USP34: variants seen among roughly 807,000 people sequenced by gnomAD.
USP34 encodes the protein ubiquitin carboxyl-terminal hydrolase 34.
Under a neutral mutation model 460.3 loss-of-function variants are expected in USP34, and 70 were observed. The ratio of observed to expected loss-of-function variants is 0.15; its 90% CI spans 0.13 to 0.19. The LOEUF (loss-of-function observed/expected upper bound fraction) is 0.19, where lower values mean the gene tolerates loss of function less well. Among genes scored for constraint, USP34 ranks in the 10% least tolerant of loss-of-function variants. USP34 has a pLI of 1.00. For missense variants in USP34, 3,985 were observed against 4,236.2 expected (o/e 0.94, Z 1.65); for synonymous variants, 1,647 against 1,405.3 (o/e 1.17, Z -3.85).
rs1268723259 is a variant in USP34, at chr2:61,264,960, G to C, written c.5778+437C>G. ...AGCAGAGCTTACACAAACAAATTAG[G>C]TCCACAATTTGATTCACTTTGGGAT... On this transcript the variant is annotated intron_variant, in intron 43 of 79. Transcript: ENST00000398571. Among the ~76,000 whole-genome samples, 5 of 152,118 alleles carry C rather than the reference G, an allele frequency of 3.3e-5. No individual in the cohort carries two copies. In the East Asian group the frequency reaches 9.6e-4, roughly 29 times the overall value.
At chr2:61,281,794 G>C (rs563969593) in intron 37 of USP34, among the ~76,000 whole-genome samples, 4 of 152,068 alleles carry the variant, frequency 2.6e-5, no homozygotes, top group African/African-American at 9.7e-5. Flanking sequence ...AAGAATAATT[G>C]AGTAAGGACA....
chr2:61,379,481 T>C (rs765998425), intron 7 of USP34, among the ~76,000 whole-genome samples: 6 of 151,992 alleles, frequency 3.9e-5, no homozygotes, highest in Non-Finnish European at 5.9e-5. Flanking sequence ...GATCATGCCA[T>C]TGCACAACAG....
chr2:61,360,996 A>C (rs1007828106), intron 10 of USP34, among the ~76,000 whole-genome samples: 2 of 152,248 alleles, frequency 1.3e-5, no homozygotes, highest in African/African-American at 4.8e-5. Flanking sequence ...TAGAAAAAAC[A>C]GCCCTAAAAT....
At position 61,218,795 on chromosome 2, in the gene USP34, G is replaced by A. The variant is rs533670931; in HGVS notation, c.8047+1515C>T. Among the ~76,000 whole-genome samples, 10 of 152,238 alleles carry A rather than the reference G, an allele frequency of 6.6e-5. No individual in the cohort carries two copies. In the East Asian group the frequency reaches 1.9e-3, roughly 29 times the overall value. ...TCAGGTTATAGGTTTTTGGAAGGAA[G>A]ACCACAAGAGATGAAGTGCCCTTTG... is the stretch of plus-strand genomic sequence containing the variant. On this transcript the variant is annotated intron_variant, in intron 67 of 79. Coordinates refer to ENST00000398571, the MANE Select transcript of USP34 (RefSeq NM_014709.4).
intron 1 of USP34, among the ~76,000 whole-genome samples, chr2:61,427,242 A>G (rs944349379): frequency 6.6e-6 from 1 of 152,130 alleles, no homozygotes; most frequent in Non-Finnish European, 1.5e-5. Context: ...GTTAGCCAGG[A>G]TAGTCTCGAT....
intron 1 of USP34, among the ~76,000 whole-genome samples, chr2:61,436,956 A>G (rs1174216083): frequency 6.6e-6 from 1 of 152,262 alleles, no homozygotes; most frequent in Non-Finnish European, 1.5e-5. Context: ...GGGTCAATGA[A>G]GGTATTAAGA....
At chr2:61,441,995 G>C (rs926515188) in intron 1 of USP34, among the ~76,000 whole-genome samples, 1 of 152,028 alleles carries the variant, frequency 6.6e-6, no homozygotes, top group African/African-American at 2.4e-5. Context: ...ACTGATTTTT[G>C]ACAAAGGTGC....
chr2:61,189,057 G>C lies in USP34; in HGVS notation c.9886C>G (p.Leu3296Val). 6.2e-7 allele frequency: 1 copy of C among 1,613,290 alleles called. No homozygotes were observed. Among genetic ancestry groups the C allele is most frequent in the South Asian group, 1.1e-5 (1 of 90,756 alleles). ...SASLNGDLRA[L>V]ALLLSVHTPK... ...GTGTGTACTGACAGGAGCAAAGCGAGTGCCCTCAGGTCCTACAAAAACCCA... is the reference window on the plus strand; with the variant it reads ...GTGTGTACTGACAGGAGCAAAGCGACTGCCCTCAGGTCCTACAAAAACCCA... The change falls in exon 79 of 80, where the codon CTC (leucine) becomes GTC (valine). Residue 3296 changes from leucine (L) to valine (V), a missense_variant. Leu to Val is a conservative substitution (Grantham distance 32). Around this residue, in one of 14 missense-constraint regions of USP34, gnomAD observed 506 missense variants for 439.0 expected, o/e 1.15. Coordinates refer to ENST00000398571, the MANE Select transcript of USP34 (RefSeq NM_014709.4).
chr2:61,439,440 G>A (rs188468580), intron 1 of USP34, among the ~76,000 whole-genome samples: 10 of 152,212 alleles, frequency 6.6e-5, no homozygotes, highest in Admixed American at 5.2e-4. Context: ...CATTCTGTCC[G>A]GCCATCCTGT....
chr2:61,431,851 T>C (rs1694685465), intron 1 of USP34, among the ~76,000 whole-genome samples: 1 of 151,338 alleles, frequency 6.6e-6, no homozygotes, highest in Non-Finnish European at 1.5e-5. Context: ...CAAGACTCCA[T>C]CTCAAAAAAA....
At chr2:61,461,267 C>T (rs1430936480) in intron 1 of USP34, among the ~76,000 whole-genome samples, 2 of 151,538 alleles carry the variant, frequency 1.3e-5, no homozygotes, top group African/African-American at 2.4e-5. Flanking sequence ...GTGGCAGGCC[C>T]CTGTAATCCC....
Position 61,319,354 on chromosome 2 carries a change from T to TTAA in USP34, c.3014-28_3014-27insTTA, listed in dbSNP as rs757371544. ...TAGATAAAAATTATAAATTTTATAC[T>TTAA]TTATTAACTACATACAAAAAAATTA... is the stretch of plus-strand genomic sequence containing the variant. On this transcript the variant is annotated intron_variant, in intron 21 of 79. Coordinates refer to ENST00000398571, the MANE Select transcript of USP34 (RefSeq NM_014709.4). The TTAA allele has an allele frequency of 6.9e-5, 101 of 1,456,428 alleles. 1 individual carries two copies. In the South Asian group the frequency reaches 1.5e-3, roughly 21 times the overall value. 90.2% of individuals were successfully genotyped at this position (1,456,428 alleles called of 1,614,324 possible). A position where few individuals can be genotyped will look rare whatever the true frequency, so the allele number is the denominator to read the frequency against.
At chr2:61,196,219 T>C (rs1475099025) in intron 75 of USP34, among the ~76,000 whole-genome samples, 2 of 151,238 alleles carry the variant, frequency 1.3e-5, no homozygotes, top group Non-Finnish European at 2.9e-5. Flanking sequence ...TAGCTGGGAC[T>C]ACAGGTGCCC....
intron 20 of USP34, among the ~76,000 whole-genome samples, chr2:61,328,531 G>A (rs1054244220): frequency 1.4e-4 from 21 of 152,094 alleles, no homozygotes; most frequent in African/African-American, 4.6e-4. Context: ...AAGGAATAGG[G>A]AAATTGTATC....
At chr2:61,360,103 A>G (rs1017265332) in intron 10 of USP34, among the ~76,000 whole-genome samples, 1 of 152,060 alleles carries the variant, frequency 6.6e-6, no homozygotes, top group Non-Finnish European at 1.5e-5. Context: ...TAATAGCATA[A>G]ATCAGTAAGG....
At chr2:61,189,219 C>CCAG (rs1205300173) in intron 78 of USP34, 150 bp from the exon 79 acceptor site, 9 of 812,806 alleles carry the variant, frequency 1.1e-5, no homozygotes, top group Non-Finnish European at 1.5e-5. Flanking sequence ...ATGATAAAAC[C>CCAG]AGAAAGCCAG....
intron 27 of USP34, among the ~76,000 whole-genome samples, chr2:61,307,569 T>A (rs1158591583): frequency 6.0e-5 from 9 of 149,892 alleles, no homozygotes; most frequent in Admixed American, 2.7e-4. Context: ...AAAAAAAAAA[T>A]AAAGTTCTGA....
intron 29 of USP34, among the ~76,000 whole-genome samples, chr2:61,300,733 T>C (rs970735002): frequency 1.3e-5 from 2 of 150,528 alleles, no homozygotes; most frequent in Non-Finnish European, 3.0e-5. Context: ...GAGGTGGAGC[T>C]TGCAGTGAGA....
Position 61,316,520 on chromosome 2 carries a change from G to A in USP34, c.3282+1134C>T, listed in dbSNP as rs538946726. Among the ~76,000 whole-genome samples, 237 of 152,210 alleles carry A rather than the reference G, an allele frequency of 1.6e-3. 1 individual carries two copies. Among genetic ancestry groups the A allele is most frequent in the Non-Finnish European group, 1.9e-3 (130 of 68,008 alleles). ...GAATCGCTTGAACCCAGGAGGTGGA[G>A]GTTGCAGTGAGCTGAGACTGTGCCA... is the stretch of plus-strand genomic sequence containing the variant. On this transcript the variant is annotated intron_variant, in intron 23 of 79. Transcript: ENST00000398571.
Sources: gnomAD v4.1 joint callset for allele counts (sites outside exome capture counted in the v4.1 genomes callset) on GRCh38, gnomAD v4.1.1 for gene constraint, gnomAD v4.1.1 regional missense constraint, MANE v1.5 for transcripts, NCBI Gene and HGNC (gene_info 2026-07-23, HGNC 2026-07-21) for gene names.